Variants in DHRS3 observed in about 807,000 individuals in gnomAD.
DHRS3 encodes the protein short-chain dehydrogenase/reductase 3.
Under a neutral mutation model 27.2 loss-of-function variants are expected in DHRS3, and 14 were observed. That is an observed-to-expected ratio of 0.52 (90% CI 0.34 to 0.81). DHRS3 has a LOEUF of 0.81. Among genes scored for constraint, DHRS3 ranks in the 30% least tolerant of loss-of-function variants. The probability of loss-of-function intolerance (pLI) is 0.01; values close to 1 mark genes in which losing one functional copy is unlikely to be tolerated. For missense variants in DHRS3, 322 were observed against 406.2 expected, an observed-to-expected ratio of 0.79 and a Z score of 1.78; for synonymous variants, 165 against 175.9, an observed-to-expected ratio of 0.94 and a Z score of 0.49.
chr1:12,593,465 A>G lies in DHRS3; in HGVS notation c.196-12799T>C, dbSNP rs1478014940. On this transcript the variant is annotated intron_variant, in intron 1 of 5. Coordinates refer to ENST00000616661, the MANE Select transcript of DHRS3 (RefSeq NM_004753.7). This position sits in a 1 kb window ranked among gnomAD's most constrained non-coding sequence, Gnocchi z 4.6. ...GTGATCCTCCTGCCTCAGTCTCCCA[A>G]AGTGCTGGGATTACAGGAGTGAGGT... 6.6e-6 allele frequency among the ~76,000 whole-genome samples: 1 copy of G among 151,992 alleles called. No homozygotes were observed. Among genetic ancestry groups the G allele is most frequent in the African/African-American group, 2.4e-5 (1 of 41,360 alleles).
At chr1:12,605,698 G>T (rs969755335) in intron 1 of DHRS3, among the ~76,000 whole-genome samples, 6 of 152,122 alleles carry the variant, frequency 3.9e-5, no homozygotes, top group Non-Finnish European at 5.9e-5. Context: ...TAAGACATCA[G>T]TTTGAAAAGA....
chr1:12,597,221 C>T (rs563664251), intron 1 of DHRS3, among the ~76,000 whole-genome samples: 6 of 152,278 alleles, frequency 3.9e-5, no homozygotes, highest in South Asian at 4.1e-4. Flanking sequence ...GGATTACAGG[C>T]GCCCACCACC....
chr1:12,592,767 G>A lies in DHRS3; in HGVS notation c.196-12101C>T, dbSNP rs1244433657. 1.3e-5 allele frequency among the ~76,000 whole-genome samples: 2 copies of A among 152,194 alleles called. No individual in the cohort carries two copies. The highest frequency in any genetic ancestry group is 2.1e-4 in the South Asian group (1 of 4,830). On this transcript the variant is annotated intron_variant, in intron 1 of 5. Coordinates refer to ENST00000616661, the MANE Select transcript of DHRS3 (RefSeq NM_004753.7). The surrounding 1 kb of genome is among the most constrained non-coding windows in gnomAD (Gnocchi z 4.2). ...AAGCGAGGCCCAGCCCCAGGCTCCCGAGGCTGGGAAGTGACGGAGGCTGCT... is the reference window on the plus strand; with the variant it reads ...AAGCGAGGCCCAGCCCCAGGCTCCCAAGGCTGGGAAGTGACGGAGGCTGCT...
chr1:12,571,814 G>A (rs369065035), intron 5 of DHRS3, among the ~76,000 whole-genome samples: 4 of 152,098 alleles, frequency 2.6e-5, no homozygotes, highest in East Asian at 1.9e-4. Context: ...GATTACAGGC[G>A]TGAGCCACCG....
At chr1:12,601,097 C>T (rs190993538) in intron 1 of DHRS3, among the ~76,000 whole-genome samples, 175 of 152,148 alleles carry the variant, frequency 1.2e-3, no homozygotes, top group Non-Finnish European at 2.1e-3. Context: ...GCTGTTTCCA[C>T]GTGGCATGAC....
At chr1:12,603,339 C>T (rs1304014990) in intron 1 of DHRS3, among the ~76,000 whole-genome samples, 1 of 152,234 alleles carries the variant, frequency 6.6e-6, no homozygotes, top group African/African-American at 2.4e-5. Flanking sequence ...GAGTCATTTC[C>T]TTGAAGCATC....
At position 12,578,644 on chromosome 1, in the gene DHRS3, G is replaced by T; in HGVS notation, c.698+74C>A. On this transcript the variant is annotated intron_variant, in intron 4 of 5. Transcript: ENST00000616661. The surrounding 1 kb of genome is among the most constrained non-coding windows in gnomAD (Gnocchi z 4.5). ...CGATTTTTATATCAGAGCTCTTTCT[G>T]CAGTTGGCTGACTGAATGGCTTGGG... 7.1e-7 allele frequency: 1 copy of T among 1,415,936 alleles called. No homozygotes were observed. Among genetic ancestry groups the T allele is most frequent in the Non-Finnish European group, 9.9e-7 (1 of 1,005,808 alleles). The allele number at this position is 1,415,936 out of a possible 1,614,324, so 87.7% of individuals were successfully genotyped here. A position where few individuals can be genotyped will look rare whatever the true frequency, so the allele number is the denominator to read the frequency against.
At chr1:12,590,056 T>C (rs7535205) in intron 1 of DHRS3, among the ~76,000 whole-genome samples, 44,227 of 151,504 alleles carry the variant, frequency 0.29, 6,782 homozygotes, top group African/African-American at 0.41. Flanking sequence ...CTTAGAAGGC[T>C]CTCCTTTTTC....
intron 1 of DHRS3, among the ~76,000 whole-genome samples, chr1:12,606,165 G>T (rs918896094): frequency 4.7e-5 from 7 of 147,514 alleles, no homozygotes; most frequent in African/African-American, 1.8e-4. Flanking sequence ...ATAGAAATCA[G>T]CAGTAGTTAA....
chr1:12,594,347 C>T lies in DHRS3; in HGVS notation c.196-13681G>A, dbSNP rs1049358989. Among the ~76,000 whole-genome samples the T allele has an allele frequency of 6.6e-6, 1 of 152,152 alleles. No individual in the cohort carries two copies. Among genetic ancestry groups the T allele is most frequent in the African/African-American group, 2.4e-5 (1 of 41,434 alleles). On this transcript the variant is annotated intron_variant, in intron 1 of 5. Transcript: ENST00000616661. This position sits in a 1 kb window ranked among gnomAD's most constrained non-coding sequence, Gnocchi z 4.1. ...GCACTTTGGAGGCCCTGGGATCCAG[C>T]GGGGAATACATTTATCTCACTTGCG... is the stretch of plus-strand genomic sequence containing the variant.
rs1324654778 is a variant in DHRS3 at position 12,617,659 on chromosome 1, T to G, written c.-311A>C. 1 of 251,482 alleles carries G rather than the reference T, an allele frequency of 4.0e-6. No homozygotes were observed. Among genetic ancestry groups the G allele is most frequent in the Non-Finnish European group, 7.4e-6 (1 of 134,438 alleles). The allele number at this position is 251,482 out of a possible 1,614,324, so 15.6% of individuals were successfully genotyped here. Reference sequence around the variant, plus strand: ...GAAGTTTCTTGCCCCAGCAGCCGTTTCGGCTGGGGAATTCTCAGGTAATGT... The same window carrying G: ...GAAGTTTCTTGCCCCAGCAGCCGTTGCGGCTGGGGAATTCTCAGGTAATGT... On this transcript the variant is annotated 5_prime_UTR_variant, in exon 1 of 6. Transcript: ENST00000616661.
chr1:12,575,019 G>C (rs1557512926), intron 4 of DHRS3, among the ~76,000 whole-genome samples: 1 of 152,144 alleles, frequency 6.6e-6, no homozygotes, highest in African/African-American at 2.4e-5. Flanking sequence ...GTGGTTCTAT[G>C]GCTGGAACAT....
chr1:12,573,936 C>A (rs893891019), intron 4 of DHRS3, among the ~76,000 whole-genome samples: 2 of 152,202 alleles, frequency 1.3e-5, no homozygotes, highest in African/African-American at 4.8e-5. Context: ...GCTCTTCCTG[C>A]CCTTCCTGGA....
At chr1:12,569,892 T>C (rs1399432966) in intron 5 of DHRS3, 1 of 152,196 alleles carries the variant, frequency 6.6e-6, no homozygotes, top group East Asian at 1.9e-4. Flanking sequence ...ATCGTACAAT[T>C]AAATTATTAT....
intron 1 of DHRS3, among the ~76,000 whole-genome samples, chr1:12,607,856 T>TGTGA (rs1248925717): frequency 6.6e-6 from 1 of 151,954 alleles, no homozygotes; most frequent in African/African-American, 2.4e-5. Context: ...TATGTGTGTG[T>TGTGA]GTGTATGTGT....
chr1:12,578,290 A>T lies in DHRS3; in HGVS notation c.698+428T>A, dbSNP rs1051803311. Among the ~76,000 whole-genome samples the T allele has an allele frequency of 1.3e-5, 2 of 152,028 alleles. No homozygotes were observed. Among genetic ancestry groups the T allele is most frequent in the Non-Finnish European group, 2.9e-5 (2 of 68,026 alleles). On this transcript the variant is annotated intron_variant, in intron 4 of 5. Coordinates refer to ENST00000616661, the MANE Select transcript of DHRS3 (RefSeq NM_004753.7). The surrounding 1 kb of genome is among the most constrained non-coding windows in gnomAD (Gnocchi z 4.5). ...ACCGAGAACCAGGTAAGACAGCGTC[A>T]AACAGAGGGTAGAGGCTCCTTGGTG... is the stretch of plus-strand genomic sequence containing the variant.
At chr1:12,577,798 GGGCAAC>G (rs1443307205) in intron 4 of DHRS3, among the ~76,000 whole-genome samples, 5 of 152,188 alleles carry the variant, frequency 3.3e-5, no homozygotes, top group African/African-American at 1.2e-4. Context: ...ACTCCAGCCT[GGGCAAC>G]GGAGCGAAAC....
chr1:12,578,776 C>T lies in DHRS3; in HGVS notation c.640G>A (p.Ala214Thr), dbSNP rs200434720. Reference protein sequence around the residue: ...LGLLDCPGVSATTVLPFHTST... With the variant: ...LGLLDCPGVSTTTVLPFHTST... ...GTGTGGAAGGGCAGCACTGTGGTGG[C>T]GCTGACTCCCGGACAGTCCAGCAGC... The change falls in exon 4 of 6, where the codon GCC (alanine) becomes ACC (threonine). Residue 214 changes from alanine to threonine, a missense_variant. Transcript: ENST00000616661. The surrounding 1 kb of genome is among the most constrained non-coding windows in gnomAD (Gnocchi z 4.5). 1.4e-4 allele frequency: 232 copies of T among 1,613,938 alleles called. No homozygotes were observed. Among genetic ancestry groups the T allele is most frequent in the East Asian group, 2.5e-4 (11 of 44,896 alleles).
At chr1:12,617,014 G>T in intron 1 of DHRS3, 140 bp downstream of exon 1, 1 of 1,086,876 alleles carries the variant, frequency 9.2e-7, no homozygotes, top group Non-Finnish European at 1.3e-6. Flanking sequence ...AAACCGACTA[G>T]CTCAGCACTC....
Sources: allele counts gnomAD v4.1 joint callset (sites outside exome capture counted in the v4.1 genomes callset), GRCh38; gene constraint gnomAD v4.1.1; non-coding constraint Gnocchi (gnomAD v3.1); transcripts MANE v1.5; gene names NCBI Gene and HGNC (gene_info 2026-07-23, HGNC 2026-07-21).